The following PLCZ1 variants were observed in gnomAD, a reference collection of about 807,000 sequenced individuals.
PLCZ1 encodes the protein 1-phosphatidylinositol 4,5-bisphosphate phosphodiesterase zeta-1.
PLCZ1 carries 64 observed loss-of-function variants against 76.8 expected under a neutral mutation model. The observed-to-expected ratio is 0.83, with a 90% confidence interval of 0.68 to 1.03. The LOEUF is 1.03. PLCZ1 is among the 50% of genes least tolerant of loss of function. The probability of loss-of-function intolerance (pLI) is 0.00; values close to 1 mark genes in which losing one functional copy is unlikely to be tolerated. For missense variants in PLCZ1, 751 were observed against 713.7 expected (o/e 1.05, Z -0.60); for synonymous variants, 248 against 230.8 (o/e 1.07, Z -0.68).
intron 3 of PLCZ1, among the ~76,000 whole-genome samples, chr12:18,723,804 ATT>A (rs1307091698): frequency 6.6e-6 from 1 of 152,102 alleles, no homozygotes; most frequent in Non-Finnish European, 1.5e-5. Flanking sequence ...TTGTCTTTCA[ATT>A]TCACATTTCA....
chr12:18,723,256 A>G (rs1373991519), intron 4 of PLCZ1, 55 bp downstream of exon 4: 3 of 1,473,336 alleles, frequency 2.0e-6, no homozygotes, highest in Non-Finnish European at 2.8e-6. Flanking sequence ...TTTTGAAAAA[A>G]GAAAAAATAC....
chr12:18,693,638 G>T, intron 12 of PLCZ1: 1 of 1,564,686 alleles, frequency 6.4e-7, no homozygotes, highest in Non-Finnish European at 8.8e-7. Flanking sequence ...TGATGAAATT[G>T]ACGCCATTGG....
intron 11 of PLCZ1, 84 bp downstream of exon 11, chr12:18,696,066 C>A (rs1434849856): frequency 7.9e-6 from 6 of 754,836 alleles, no homozygotes; most frequent in African/African-American, 7.4e-5. Flanking sequence ...ACAGAAAGCC[C>A]TTTTCACGAG....
the PLCZ1 span, among the ~76,000 whole-genome samples, chr12:18,650,329 C>A: frequency 0.52 from 41,659 of 79,772 alleles, 9,026 homozygotes; most frequent in East Asian, 0.59. Flanking sequence ...CTCTCTCTCT[C>A]TCTATATATA....
intron 5 of PLCZ1, among the ~76,000 whole-genome samples, chr12:18,716,183 T>G: frequency 6.6e-6 from 1 of 152,182 alleles, no homozygotes; most frequent in East Asian, 1.9e-4. Context: ...TTGCCTATTT[T>G]ATCAACAGAG....
chr12:18,714,452 A>G (rs548339447), intron 5 of PLCZ1, among the ~76,000 whole-genome samples: 1 of 152,180 alleles, frequency 6.6e-6, no homozygotes, highest in Non-Finnish European at 1.5e-5. Context: ...AAAACATGGG[A>G]ACTGTAGAGA....
At chr12:18,650,736 A>ATATC in the PLCZ1 span, among the ~76,000 whole-genome samples, 9 of 29,526 alleles carry the variant, frequency 3.0e-4, no homozygotes, top group Non-Finnish European at 5.0e-4. Context: ...ATATATATAT[A>ATATC]TATATATATA....
chr12:18,737,211 T>C, intron 2 of PLCZ1, 150 bp downstream of exon 2: 1 of 825,802 alleles, frequency 1.2e-6, no homozygotes, highest in Non-Finnish European at 2.0e-6. Context: ...CAGGGAAAGT[T>C]AGAAAAGCTC....
intron 7 of PLCZ1, among the ~76,000 whole-genome samples, chr12:18,703,444 T>TGTAATACA (rs959346986): frequency 6.6e-6 from 1 of 152,238 alleles, no homozygotes; most frequent in African/African-American, 2.4e-5. Flanking sequence ...AACTTAGTCA[T>TGTAATACA]GTAATACAGC....
chr12:18,718,036 G>A (rs1475522849), intron 5 of PLCZ1, among the ~76,000 whole-genome samples: 1 of 152,068 alleles, frequency 6.6e-6, no homozygotes, highest in Non-Finnish European at 1.5e-5. Context: ...GGTGTCCTGT[G>A]TTGCCAGTTT....
chr12:18,666,843 T>C, the PLCZ1 span, among the ~76,000 whole-genome samples: 1 of 152,224 alleles, frequency 6.6e-6, no homozygotes, highest in Non-Finnish European at 1.5e-5. Flanking sequence ...ATGTGGTATA[T>C]GGAAACTCCA....
At chr12:18,693,800 A>G in intron 12 of PLCZ1, 1 of 1,517,788 alleles carries the variant, frequency 6.6e-7, no homozygotes, top group Non-Finnish European at 9.1e-7. Flanking sequence ...TCCAGCGCTT[A>G]TCAGACCAGG....
the PLCZ1 span, among the ~76,000 whole-genome samples, chr12:18,645,817 A>T: frequency 1.3e-5 from 2 of 152,174 alleles, no homozygotes; most frequent in African/African-American, 2.4e-5. Context: ...TATGTTTTTT[A>T]AAAACTTACA....
chr12:18,654,621 G>C, the PLCZ1 span, among the ~76,000 whole-genome samples: 8 of 152,156 alleles, frequency 5.3e-5, no homozygotes, highest in African/African-American at 1.9e-4. Context: ...TTGTGGAACT[G>C]TTATTCCAGG....
intron 3 of PLCZ1, among the ~76,000 whole-genome samples, chr12:18,726,961 C>T (rs949879707): frequency 1.3e-5 from 2 of 152,144 alleles, no homozygotes; most frequent in South Asian, 2.1e-4. Context: ...TACTGGGTAA[C>T]AAGGATGCAA....
At chr12:18,700,746 CAATT>C (rs1245437087) in intron 9 of PLCZ1, among the ~76,000 whole-genome samples, 3 of 151,676 alleles carry the variant, frequency 2.0e-5, no homozygotes, top group Non-Finnish European at 4.4e-5. Flanking sequence ...CTATGTAGGC[CAATT>C]AATTAATTAT....
the PLCZ1 span, among the ~76,000 whole-genome samples, chr12:18,646,090 G>C: frequency 6.6e-6 from 1 of 152,092 alleles, no homozygotes; most frequent in East Asian, 1.9e-4. Flanking sequence ...TTGTTAAAAA[G>C]CATGAATTAC....
At chr12:18,685,791 C>T in intron 13 of PLCZ1, 1 of 351,828 alleles carries the variant, frequency 2.8e-6, no homozygotes, top group Admixed American at 2.9e-5. Flanking sequence ...ACACATGTGC[C>T]TCTGCCTCCC....
the PLCZ1 span, among the ~76,000 whole-genome samples, chr12:18,677,201 C>T: frequency 1.3e-5 from 2 of 152,032 alleles, no homozygotes; most frequent in South Asian, 2.1e-4. Context: ...CTGCTTGCCA[C>T]AATATGATGC....
Sources: allele counts gnomAD v4.1 joint callset (sites outside exome capture counted in the v4.1 genomes callset), GRCh38; gene constraint gnomAD v4.1.1; transcripts MANE v1.5; gene names NCBI Gene and HGNC (gene_info 2026-07-23, HGNC 2026-07-21).